ZSCAN5A: variants seen among roughly 807,000 people sequenced by gnomAD.
ZSCAN5A encodes the protein zinc finger and SCAN domain-containing protein 5A.
A neutral mutation model predicts 23.7 loss-of-function variants in ZSCAN5A; 12 were observed. The observed-to-expected ratio is 0.51, with a 90% CI of 0.32 to 0.82. The LOEUF (loss-of-function observed/expected upper bound fraction) is 0.82. Among genes scored for constraint, ZSCAN5A ranks in the 40% least tolerant of loss-of-function variants. ZSCAN5A has a pLI of 0.03. For missense variants in ZSCAN5A, 597 were observed against 617.9 expected (o/e 0.97, Z 0.36); for synonymous variants, 257 against 239.9 (o/e 1.07, Z -0.66).
intron 2 of ZSCAN5A, chr19:56,321,423 G>T: frequency 1.5e-6 from 1 of 665,080 alleles, no homozygotes; most frequent in East Asian, 2.6e-5. Flanking sequence ...TGCACACAGA[G>T]TCTGTGAAAT....
At chr19:56,301,074 G>A (rs892704243) in intron 2 of ZSCAN5A, among the ~76,000 whole-genome samples, 35 of 152,210 alleles carry the variant, frequency 2.3e-4, no homozygotes, top group Non-Finnish European at 1.0e-4. Context: ...TACCAGAAAG[G>A]GGTCCCGATC....
intron 2 of ZSCAN5A, among the ~76,000 whole-genome samples, chr19:56,261,843 G>A (rs1183289339): frequency 1.3e-5 from 2 of 152,020 alleles, no homozygotes; most frequent in South Asian, 2.1e-4. Context: ...TGTTTATTGA[G>A]GTATAACTTA....
intron 2 of ZSCAN5A, chr19:56,342,292 C>T: frequency 7.3e-6 from 1 of 137,468 alleles, no homozygotes; most frequent in Non-Finnish European, 1.5e-5. Context: ...AAAATTATTT[C>T]TCTTTAAGCT....
At chr19:56,315,670 G>C (rs904716374), upstream of ZSCAN5A, 1 of 152,206 alleles carries the variant, frequency 6.6e-6, no homozygotes, top group African/African-American at 2.4e-5. Flanking sequence ...CACCCTCTCT[G>C]GGCCTCAGTT....
chr19:56,353,093 G>T (rs1292819902), intron 2 of ZSCAN5A, among the ~76,000 whole-genome samples: 9 of 152,190 alleles, frequency 5.9e-5, no homozygotes, highest in African/African-American at 2.2e-4. Context: ...GGTGGACACA[G>T]TTTACCCCAG....
At chr19:56,288,093 A>C (rs1240457737) in intron 2 of ZSCAN5A, among the ~76,000 whole-genome samples, 1 of 152,168 alleles carries the variant, frequency 6.6e-6, no homozygotes, top group African/African-American at 2.4e-5. Context: ...CAGAGCCAAG[A>C]AGGGAGCACA....
intron 2 of ZSCAN5A, among the ~76,000 whole-genome samples, chr19:56,302,433 TTCCTTCC>T (rs961303981): frequency 9.5e-5 from 10 of 105,540 alleles, no homozygotes; most frequent in African/African-American, 4.2e-4. Context: ...CCTTTCTCCC[TTCCTTCC>T]TTTCTTCCTC....
intron 2 of ZSCAN5A, among the ~76,000 whole-genome samples, chr19:56,331,734 C>T (rs1395641800): frequency 6.6e-6 from 1 of 151,548 alleles, no homozygotes; most frequent in Non-Finnish European, 1.5e-5. Flanking sequence ...ATTACAGGCA[C>T]CCGCCATCAT....
At chr19:56,228,635 T>G (rs143452788) in intron 2 of ZSCAN5A, among the ~76,000 whole-genome samples, 1,524 of 152,266 alleles carry the variant, frequency 0.01, 72 homozygotes, top group Admixed American at 0.085. Context: ...TAAGAGCTGG[T>G]GGATTAGTAT....
At chr19:56,320,596 G>A (rs1228818699) in intron 2 of ZSCAN5A, 2 of 587,930 alleles carry the variant, frequency 3.4e-6, no homozygotes, top group Non-Finnish European at 3.1e-6. Flanking sequence ...TGGGTGACAA[G>A]AGCGAAATTC....
At position 56,244,202 on chromosome 19, in the gene ZSCAN5A, G is replaced by A. The variant is rs202218184; in HGVS notation, c.-127-19029C>T. On this transcript the variant is annotated intron_variant, in intron 2 of 5. Transcript: ENST00000683990. ...GAACTTCAGGATGTTCAGCTGCCCA[G>A]AGGAGTCGGACCCCATCCAGGCTCT... is the stretch of plus-strand genomic sequence containing the variant. The A allele has an allele frequency of 8.5e-3, 13,602 of 1,608,872 alleles. 117 individuals are homozygous for A. The highest frequency in any genetic ancestry group is 0.042 in the African/African-American group (3,132 of 74,714).
intron 2 of ZSCAN5A, chr19:56,338,234 C>T (rs1012246115): frequency 6.6e-6 from 1 of 152,142 alleles, no homozygotes; most frequent in African/African-American, 2.4e-5. Flanking sequence ...AAATTCTCTA[C>T]CACTAATAAG....
intron 2 of ZSCAN5A, among the ~76,000 whole-genome samples, chr19:56,271,466 A>G (rs1328182254): frequency 2.0e-5 from 3 of 152,188 alleles, no homozygotes; most frequent in Non-Finnish European, 4.4e-5. Flanking sequence ...TCTGCTCATT[A>G]TAACAAATCC....
At position 56,281,748 on chromosome 19, in the gene ZSCAN5A, C is replaced by T. The variant is rs1273294847; in HGVS notation, c.-128+31535G>A. 7.2e-6 allele frequency: 7 copies of T among 976,786 alleles called. No homozygotes were observed. In the African/African-American group the frequency reaches 1.2e-4, roughly 17 times the overall value. 60.5% of individuals were successfully genotyped at this position (976,786 alleles called of 1,614,324 possible). A position where few individuals can be genotyped will look rare whatever the true frequency, so the allele number is the denominator to read the frequency against. Reference sequence around the variant, plus strand: ...CATAAATGGGGAGCCCGCCCTTCAACCTAGAGAAGGAAGGGAATGAAAGAG... The same window carrying T: ...CATAAATGGGGAGCCCGCCCTTCAATCTAGAGAAGGAAGGGAATGAAAGAG... On this transcript the variant is annotated intron_variant, in intron 2 of 5. Transcript: ENST00000683990.
chr19:56,296,603 C>T (rs986509180), intron 2 of ZSCAN5A, among the ~76,000 whole-genome samples: 2 of 152,012 alleles, frequency 1.3e-5, no homozygotes, highest in African/African-American at 4.8e-5. Flanking sequence ...ATAAAACAGA[C>T]AGAAGTCTGT....
intron 2 of ZSCAN5A, among the ~76,000 whole-genome samples, chr19:56,299,536 T>C (rs1343819651): frequency 6.6e-6 from 1 of 152,026 alleles, no homozygotes. Flanking sequence ...GAACAAGCTG[T>C]TTAAGGTAAA....
chr19:56,225,343 C>A (rs1376415090), intron 2 of ZSCAN5A, 170 bp from the exon 3 acceptor site: 2 of 391,164 alleles, frequency 5.1e-6, no homozygotes, highest in Admixed American at 4.6e-5. Flanking sequence ...ATCTTAATGA[C>A]CCCTGGATTC....
intron 2 of ZSCAN5A, among the ~76,000 whole-genome samples, chr19:56,242,513 TG>T (rs1399747646): frequency 6.6e-6 from 1 of 152,244 alleles, no homozygotes; most frequent in East Asian, 1.9e-4. Context: ...GCTGTCTCTG[TG>T]TTCTGTACTT....
chr19:56,309,530 C>T (rs1211948985), intron 2 of ZSCAN5A, among the ~76,000 whole-genome samples: 1 of 152,224 alleles, frequency 6.6e-6, no homozygotes, highest in Non-Finnish European at 1.5e-5. Context: ...GCAGTTGGCC[C>T]TGCGGAACAC....
Sources: allele counts gnomAD v4.1 joint callset (sites outside exome capture counted in the v4.1 genomes callset), GRCh38; gene constraint gnomAD v4.1.1; transcripts MANE v1.5; gene names NCBI Gene and HGNC (gene_info 2026-07-23, HGNC 2026-07-21).